The following CREBZF variants were observed in gnomAD, a reference collection of about 807,000 sequenced individuals.
The protein encoded by CREBZF is CREB/ATF bZIP transcription factor.
CREBZF carries 8 observed loss-of-function variants against 21.1 expected under a neutral mutation model. The ratio of observed to expected loss-of-function variants is 0.38; its 90% CI spans 0.22 to 0.68. The LOEUF (loss-of-function observed/expected upper bound fraction) is 0.68, where lower values mean the gene tolerates loss of function less well. Among genes scored for constraint, CREBZF ranks in the 30% least tolerant of loss-of-function variants. The probability of loss-of-function intolerance (pLI) is 0.51; values close to 1 mark genes in which losing one functional copy is unlikely to be tolerated. For missense variants in CREBZF, 518 were observed against 484.3 expected (o/e 1.07, Z -0.65); for synonymous variants, 270 against 223.3 (o/e 1.21, Z -1.86).
In CREBZF at chr11:85,661,551, C is replaced by A. The variant is rs2082679370; in HGVS notation, c.*2260G>T. On this transcript the variant is annotated 3_prime_UTR_variant, in exon 1 of 1. Transcript: ENST00000527447. The stretch of plus-strand genomic sequence containing the variant: ...TTGACTACTGTTTCTCCCCAGCCCA[C>A]AATTTCAAATAATGCAGGAAAAGTA... 1.3e-5 allele frequency: 2 copies of A among 152,560 alleles called. No individual in the cohort carries two copies. Among genetic ancestry groups the A allele is most frequent in the African/African-American group, 4.8e-5 (2 of 41,452 alleles). The allele number at this position is 152,560 out of a possible 1,614,324, so 9.5% of individuals were successfully genotyped here. A position where few individuals can be genotyped will look rare whatever the true frequency, so the allele number is the denominator to read the frequency against.
Position 85,663,606 on chromosome 11 carries a change from C to CA in CREBZF, c.*204dup. ...GGAAATCACCTAAAAAAGAAACTGT[C>CA]AGAGAGATTTAATAGTCACATGTTA... On this transcript the variant is annotated 3_prime_UTR_variant, in exon 1 of 1. Transcript: ENST00000527447. 6.4e-7 allele frequency: 1 copy of CA among 1,556,564 alleles called. No homozygotes were observed. The highest frequency in any genetic ancestry group is 8.7e-7 in the Non-Finnish European group (1 of 1,149,760).
At chr11:85,670,121 A>G (rs1419597228), upstream of CREBZF, among the ~76,000 whole-genome samples, 1 of 151,994 alleles carries the variant, frequency 6.6e-6, no homozygotes, top group Admixed American at 6.6e-5. Flanking sequence ...TACATGTTGT[A>G]AATACACAAG....
At chr11:85,670,270 TC>T (rs113149256) in intron 1 of CREBZF, among the ~76,000 whole-genome samples, 13,452 of 55,728 alleles carry the variant, frequency 0.24, 1,464 homozygotes, top group South Asian at 0.4. Flanking sequence ...AACACTTTAA[TC>T]CCCCCCCCCC....
intron 1 of CREBZF, chr11:85,682,638 C>A: frequency 2.1e-6 from 1 of 467,312 alleles, no homozygotes; most frequent in South Asian, 2.4e-5. Context: ...ACGCGCTCTT[C>A]CCCCATATAA....
upstream of CREBZF, among the ~76,000 whole-genome samples, chr11:85,666,205 C>G (rs766434343): frequency 6.6e-6 from 1 of 152,172 alleles, no homozygotes. Context: ...GGTTCACATC[C>G]CACAAGGGAT....
At chr11:85,674,462 A>G (rs990650495) in intron 1 of CREBZF, among the ~76,000 whole-genome samples, 8 of 152,226 alleles carry the variant, frequency 5.3e-5, no homozygotes, top group African/African-American at 1.9e-4. Context: ...AGGCTTTGTC[A>G]TTCCACTTAT....
chr11:85,680,396 C>T (rs17811130), intron 1 of CREBZF, among the ~76,000 whole-genome samples: 5,531 of 152,264 alleles, frequency 0.036, 155 homozygotes, highest in Admixed American at 0.053. Context: ...TAACCTTAAA[C>T]ATGAAAGTGA....
chr11:85,679,352 G>T (rs1380111209), intron 1 of CREBZF, among the ~76,000 whole-genome samples: 1 of 152,144 alleles, frequency 6.6e-6, no homozygotes, highest in African/African-American at 2.4e-5. Flanking sequence ...TGAAGATAAG[G>T]TCTCTATCTT....
rs760480977 is a variant in CREBZF, at chr11:85,664,490, G to C, written c.386C>G (p.Pro129Arg). 5.6e-6 allele frequency: 9 copies of C among 1,613,624 alleles called. No individual in the cohort carries two copies. The highest frequency in any genetic ancestry group is 7.6e-6 in the Non-Finnish European group (9 of 1,179,966). ...HLDPGLSSPG[P>R]LSSSGGGSDS... ...CGAGCCTCCGCCAGACGAGGAGAGA[G>C]GCCCCGGCGAGCTAAGCCCGGGGTC... Residue 129 changes from proline to arginine, a missense_variant, in exon 1 of 1, where the codon CCT becomes CGT. Coordinates refer to ENST00000527447, the MANE Select transcript of CREBZF (RefSeq NM_001039618.4). This position sits in a 1 kb window ranked among gnomAD's most constrained non-coding sequence, Gnocchi z 5.5.
Position 85,664,126 on chromosome 11 carries a change from ATTCTCGGCCCGCAGCTCCTGG to A in CREBZF, c.729_749del (p.Gln244_Asn250del). On this transcript the variant is annotated inframe_deletion, in exon 1 of 1. Coordinates refer to ENST00000527447, the MANE Select transcript of CREBZF (RefSeq NM_001039618.4). The surrounding 1 kb of genome is among the most constrained non-coding windows in gnomAD (Gnocchi z 5.5). ...CCTGTACGCGTTTGCCCAGCTCCCGATTCTCGGCCCGCAGCTCCTGGTTCTCGGCTGCCAGACCCCGGACTC... is the reference window on the plus strand; with the variant it reads ...CCTGTACGCGTTTGCCCAGCTCCCGATTCTCGGCTGCCAGACCCCGGACTC... 1 of 1,613,466 alleles carries A rather than the reference ATTCTCGGCCCGCAGCTCCTGG, an allele frequency of 6.2e-7. No individual in the cohort carries two copies. The highest frequency in any genetic ancestry group is 8.5e-7 in the Non-Finnish European group (1 of 1,180,010).
intron 1 of CREBZF, chr11:85,682,602 CTACT>C: frequency 1.7e-5 from 6 of 346,444 alleles, no homozygotes; most frequent in African/African-American, 5.4e-5. Flanking sequence ...ACCCCCTGCC[CTACT>C]CCCCCCAACG....
chr11:85,675,829 G>GT (rs1469485618), intron 1 of CREBZF, among the ~76,000 whole-genome samples: 1 of 152,166 alleles, frequency 6.6e-6, no homozygotes, highest in Non-Finnish European at 1.5e-5. Context: ...TTTGTAAGGG[G>GT]TAGTGAGACC....
rs1224213859 is a variant in CREBZF at position 85,663,510 on chromosome 11, A to G, written c.*301T>C. The G allele has an allele frequency of 2.2e-6, 2 of 925,920 alleles. No homozygotes were observed. 57.4% of individuals were successfully genotyped at this position (925,920 alleles called of 1,614,324 possible). ...AGCAGAGCATGAGCGTTACGGGAAGAGATGGATCCTTACCAGGTTGTGAGG... is the reference window on the plus strand; with the variant it reads ...AGCAGAGCATGAGCGTTACGGGAAGGGATGGATCCTTACCAGGTTGTGAGG... On this transcript the variant is annotated 3_prime_UTR_variant, in exon 1 of 1. Transcript: ENST00000527447.
rs1230632915 is a variant in CREBZF at position 85,664,443 on chromosome 11, C to A, written c.433G>T (p.Gly145Trp). ...GCCGCGGCCTCATCGTCATCGTCCCCTCTCCACAGGCCGCCGCTATCCGAG... is the reference window on the plus strand; with the variant it reads ...GCCGCGGCCTCATCGTCATCGTCCCATCTCCACAGGCCGCCGCTATCCGAG... ...GGSDSGGLWR[G>W]DDDDEAAAAE... Residue 145 changes from glycine (G) to tryptophan (W), a missense_variant, in exon 1 of 1, where the codon GGG (glycine) becomes TGG (tryptophan). Around this residue, in one of 3 missense-constraint regions of CREBZF, gnomAD observed 396 missense variants for 324.4 expected, o/e 1.22. Transcript: ENST00000527447. This position sits in a 1 kb window ranked among gnomAD's most constrained non-coding sequence, Gnocchi z 5.5. 2 of 1,613,626 alleles carry A rather than the reference C, an allele frequency of 1.2e-6. No homozygotes were observed. Among genetic ancestry groups the A allele is most frequent in the Middle Eastern group, 1.6e-4 (1 of 6,082 alleles).
chr11:85,667,378 C>G (rs76447323), upstream of CREBZF, among the ~76,000 whole-genome samples: 1 of 152,234 alleles, frequency 6.6e-6, no homozygotes, highest in East Asian at 1.9e-4. Context: ...TGCCCAGATT[C>G]GCTTTTCTTT....
chr11:85,671,353 G>A (rs904601676), intron 1 of CREBZF, among the ~76,000 whole-genome samples: 1 of 152,128 alleles, frequency 6.6e-6, no homozygotes, highest in African/African-American at 2.4e-5. Flanking sequence ...ACATTTGGGT[G>A]GGGACACAGC....
At chr11:85,672,710 G>A (rs187333586) in intron 1 of CREBZF, among the ~76,000 whole-genome samples, 84 of 152,254 alleles carry the variant, frequency 5.5e-4, no homozygotes, top group African/African-American at 1.1e-3. Context: ...TACACTTCAC[G>A]ATGGCTGTCT....
rs1021017655 is a variant in CREBZF at position 85,658,676 on chromosome 11, T to C, written c.*5135A>G. 6.6e-6 allele frequency among the ~76,000 whole-genome samples: 1 copy of C among 151,698 alleles called. No individual in the cohort carries two copies. Among genetic ancestry groups the C allele is most frequent in the African/African-American group, 2.4e-5 (1 of 41,350 alleles). ...AAAAAAAAAAAGAGGGCTCACATTC[T>C]ATTTAAATTAAGACAATATATTTTA... On this transcript the variant is annotated 3_prime_UTR_variant, in exon 1 of 1. Coordinates refer to ENST00000527447, the MANE Select transcript of CREBZF (RefSeq NM_001039618.4).
chr11:85,667,036 A>T (rs914563087), upstream of CREBZF, among the ~76,000 whole-genome samples: 20 of 152,152 alleles, frequency 1.3e-4, no homozygotes, highest in East Asian at 5.8e-4. Context: ...AACTGATTAT[A>T]TTTTTTAAAT....
Sources: allele counts gnomAD v4.1 joint callset (sites outside exome capture counted in the v4.1 genomes callset), GRCh38; gene constraint gnomAD v4.1.1; regional missense constraint gnomAD v4.1.1; non-coding constraint Gnocchi (gnomAD v3.1); transcripts MANE v1.5; gene names NCBI Gene and HGNC (gene_info 2026-07-23, HGNC 2026-07-21).